MARCKS: variants seen among roughly 807,000 people sequenced by gnomAD.
MARCKS encodes the protein myristoylated alanine rich protein kinase C substrate.
Under a neutral mutation model 6.3 loss-of-function variants are expected in MARCKS, and 4 were observed. The observed-to-expected ratio is 0.63, with a 90% CI of 0.31 to 1.45. MARCKS has a LOEUF of 1.45. MARCKS is among the 40% of genes most tolerant of loss of function. The pLI is 0.07. For missense variants in MARCKS, 636 were observed against 485.7 expected (o/e 1.31, Z -2.91); for synonymous variants, 289 against 236.5 (o/e 1.22, Z -2.04).
At position 113,860,042 on chromosome 6, in the gene MARCKS, AAAG is replaced by A. The variant is rs1326308912; in HGVS notation, c.466_468del (p.Lys156del). ...CCAGCAACGAGACCCCGAAAAAAAAAAAGAAGCGCTTTTCCTTCAAGAAGTCTT... is the reference window on the plus strand; with the variant it reads ...CCAGCAACGAGACCCCGAAAAAAAAAAAGCGCTTTTCCTTCAAGAAGTCTT... On this transcript the variant is annotated inframe_deletion, in exon 2 of 2. Coordinates refer to ENST00000612661, the MANE Select transcript of MARCKS (RefSeq NM_002356.7). The A allele has an allele frequency of 1.9e-6, 3 of 1,573,360 alleles. No individual in the cohort carries two copies. Among genetic ancestry groups the A allele is most frequent in the Non-Finnish European group, 8.6e-7 (1 of 1,162,570 alleles).
chr6:113,857,538 T>C lies in MARCKS; in HGVS notation c.-208T>C, dbSNP rs1774803838. On this transcript the variant is annotated 5_prime_UTR_variant, in exon 1 of 2. Coordinates refer to ENST00000612661, the MANE Select transcript of MARCKS (RefSeq NM_002356.7). Reference sequence around the variant, plus strand: ...CCTCCTGTGCTGCTGCTTTTTGATCTCTTCGACTAAAATTTTTTTATCCGG... The same window carrying C: ...CCTCCTGTGCTGCTGCTTTTTGATCCCTTCGACTAAAATTTTTTTATCCGG... The C allele has an allele frequency of 1.8e-6, 1 of 554,184 alleles. No individual in the cohort carries two copies. Among genetic ancestry groups the C allele is most frequent in the South Asian group, 2.1e-5 (1 of 48,236 alleles). 34.3% of individuals were successfully genotyped at this position (554,184 alleles called of 1,614,324 possible).
At chr6:113,859,171 C>G (rs915836402) in intron 1 of MARCKS, among the ~76,000 whole-genome samples, 16 of 152,192 alleles carry the variant, frequency 1.1e-4, no homozygotes, top group Admixed American at 2.0e-4. Context: ...GCGGGCGCTC[C>G]TGGCTCGAGT....
Position 113,860,237 on chromosome 6 carries a change from C to CGAGGAGGCGGCAGCGGGCGAG in MARCKS, c.662_682dup (p.Glu221_Glu227dup). ...CCGGGGAGCAGGCAGCGGCGCCGGG[C>CGAGGAGGCGGCAGCGGGCGAG]GAGGAGGCGGCAGCGGGCGAGGAGG... is the stretch of plus-strand genomic sequence containing the variant. On this transcript the variant is annotated inframe_insertion, in exon 2 of 2. Transcript: ENST00000612661. The CGAGGAGGCGGCAGCGGGCGAG allele has an allele frequency of 9.3e-7, 1 of 1,076,124 alleles. No individual in the cohort carries two copies. The highest frequency in any genetic ancestry group is 3.5e-5 in the South Asian group (1 of 28,772). 66.7% of individuals were successfully genotyped at this position (1,076,124 alleles called of 1,614,324 possible).
chr6:113,860,601 A>C lies in MARCKS; in HGVS notation c.*22A>C, dbSNP rs1224821554. On this transcript the variant is annotated 3_prime_UTR_variant, in exon 2 of 2. Coordinates refer to ENST00000612661, the MANE Select transcript of MARCKS (RefSeq NM_002356.7). Reference sequence around the variant, plus strand: ...GTAAAAGAGCAAGCTTTTGTGAGATAATCGAAGAACTTTTCTCCCCCGTTT... The same window carrying C: ...GTAAAAGAGCAAGCTTTTGTGAGATCATCGAAGAACTTTTCTCCCCCGTTT... 1 of 1,511,620 alleles carries C rather than the reference A, an allele frequency of 6.6e-7. No individual in the cohort carries two copies. The highest frequency in any genetic ancestry group is 1.5e-5 in the African/African-American group (1 of 68,434). The allele number at this position is 1,511,620 out of a possible 1,614,324, so 93.6% of individuals were successfully genotyped here.
chr6:113,857,473 C>T lies in MARCKS; in HGVS notation c.-273C>T. 2.3e-6 allele frequency: 1 copy of T among 427,280 alleles called. No homozygotes were observed. Among genetic ancestry groups the T allele is most frequent in the Non-Finnish European group, 4.2e-6 (1 of 239,396 alleles). The allele number at this position is 427,280 out of a possible 1,614,324, so 26.5% of individuals were successfully genotyped here. A position where few individuals can be genotyped will look rare whatever the true frequency, so the allele number is the denominator to read the frequency against. Reference sequence around the variant, plus strand: ...CTTTTTTTTTCGAACTACACTTGGGCTCCTTTTTTTGTGCTCGACTTTTCC... The same window carrying T: ...CTTTTTTTTTCGAACTACACTTGGGTTCCTTTTTTTGTGCTCGACTTTTCC... On this transcript the variant is annotated 5_prime_UTR_variant, in exon 1 of 2. Transcript: ENST00000612661.
chr6:113,862,740 G>GT lies in MARCKS; in HGVS notation c.*2165dup. The GT allele has an allele frequency of 6.6e-6, 1 of 152,166 alleles. No homozygotes were observed. Among genetic ancestry groups the GT allele is most frequent in the African/African-American group, 2.4e-5 (1 of 41,544 alleles). The allele number at this position is 152,166 out of a possible 1,614,324, so 9.4% of individuals were successfully genotyped here. A position where few individuals can be genotyped will look rare whatever the true frequency, so the allele number is the denominator to read the frequency against. On this transcript the variant is annotated 3_prime_UTR_variant, in exon 2 of 2. Transcript: ENST00000612661. The stretch of plus-strand genomic sequence containing the variant: ...ACTCATTAGAAAAATAACAAATTAG[G>GT]TTTTGACACGCATTCTTAATTGGAA...
intron 1 of MARCKS, among the ~76,000 whole-genome samples, chr6:113,859,454 G>T (rs1440789643): frequency 6.6e-6 from 1 of 152,086 alleles, no homozygotes; most frequent in African/African-American, 2.4e-5. Context: ...GTACTTGGGG[G>T]CTACAGTTGT....
chr6:113,859,988 C>A lies in MARCKS; in HGVS notation c.408C>A (p.Pro136=). The A allele has an allele frequency of 3.2e-6, 5 of 1,554,672 alleles. No individual in the cohort carries two copies. The highest frequency in any genetic ancestry group is 4.3e-6 in the Non-Finnish European group (5 of 1,157,430). Residue 136 remains proline (P), a synonymous_variant, in exon 2 of 2, where the codon CCC becomes CCA. Transcript: ENST00000612661. ...CGGCCGCCTCCTCGACTTCTTCGCC[C>A]AAGGCCGAGGACGGGGCCACGCCCT... ...AASAASSTSS[P]KAEDGATPSP...
chr6:113,859,918 C>T lies in MARCKS; in HGVS notation c.338C>T (p.Ala113Val). ...VEKEAPAEGE[A>V]AEPGSPTAAE... ...AAGGAGGCCCCCGCGGAAGGCGAGG[C>T]TGCCGAGCCCGGCTCGCCCACGGCC... is the stretch of plus-strand genomic sequence containing the variant. Residue 113 changes from alanine to valine, a missense_variant, in exon 2 of 2, where the codon GCT becomes GTT. Coordinates refer to ENST00000612661, the MANE Select transcript of MARCKS (RefSeq NM_002356.7). 1.4e-6 allele frequency: 2 copies of T among 1,460,934 alleles called. No individual in the cohort carries two copies. Among genetic ancestry groups the T allele is most frequent in the Non-Finnish European group, 9.0e-7 (1 of 1,110,168 alleles). 90.5% of individuals were successfully genotyped at this position (1,460,934 alleles called of 1,614,324 possible). A position where few individuals can be genotyped will look rare whatever the true frequency, so the allele number is the denominator to read the frequency against.
At position 113,857,792 on chromosome 6, in the gene MARCKS, C is replaced by A; in HGVS notation, c.47C>A (p.Ala16Glu). 6.2e-7 allele frequency: 1 copy of A among 1,609,724 alleles called. No homozygotes were observed. Among genetic ancestry groups the A allele is most frequent in the Non-Finnish European group, 8.5e-7 (1 of 1,178,338 alleles). ...ACCGCAGCGAAGGGAGAAGCCGCCGCGGAGAGGCCTGGGGAGGCGGCTGTG... is the reference window on the plus strand; with the variant it reads ...ACCGCAGCGAAGGGAGAAGCCGCCGAGGAGAGGCCTGGGGAGGCGGCTGTG... ...SKTAAKGEAA[A>E]ERPGEAAVAS... Residue 16 changes from alanine (A) to glutamate (E), a missense_variant, in exon 1 of 2, where the codon GCG becomes GAG. Physicochemically the swap from Ala to Glu is moderately radical, Grantham distance 107 (BLOSUM62 -1). Coordinates refer to ENST00000612661, the MANE Select transcript of MARCKS (RefSeq NM_002356.7).
intron 1 of MARCKS, 63 bp downstream of exon 1, chr6:113,857,910 C>T: frequency 7.6e-7 from 1 of 1,319,964 alleles, no homozygotes; most frequent in Non-Finnish European, 1.1e-6. Flanking sequence ...CTCCTGGTGG[C>T]TCCCAAGGCT....
Position 113,859,875 on chromosome 6 carries a change from G to C in MARCKS, c.295G>C (p.Gly99Arg), listed in dbSNP as rs1312263270. Reference protein sequence around the residue: ...EPAAAAAPEAGASPVEKEAPA... With the variant: ...EPAAAAAPEARASPVEKEAPA... ...GGCCGCCGCCGCTGCCCCCGAGGCCGGGGCCAGCCCGGTAGAGAAGGAGGC... is the reference window on the plus strand; with the variant it reads ...GGCCGCCGCCGCTGCCCCCGAGGCCCGGGCCAGCCCGGTAGAGAAGGAGGC... The change falls in exon 2 of 2, where the codon GGG becomes CGG. Residue 99 changes from glycine to arginine, a missense_variant. Transcript: ENST00000612661. 1.5e-5 allele frequency: 20 copies of C among 1,376,886 alleles called. No individual in the cohort carries two copies. The highest frequency in any genetic ancestry group is 3.4e-5 in the Admixed American group (1 of 29,554). The allele number at this position is 1,376,886 out of a possible 1,614,324, so 85.3% of individuals were successfully genotyped here. A position where few individuals can be genotyped will look rare whatever the true frequency, so the allele number is the denominator to read the frequency against.
rs759991825 is a variant in MARCKS at position 113,862,155 on chromosome 6, T to A, written c.*1576T>A. 6.6e-6 allele frequency: 1 copy of A among 152,170 alleles called. No homozygotes were observed. The highest frequency in any genetic ancestry group is 1.5e-5 in the Non-Finnish European group (1 of 67,986). The allele number at this position is 152,170 out of a possible 1,614,324, so 9.4% of individuals were successfully genotyped here. ...ATGAGAAAATTTCATAAAGCCATTCTCTTGTCATTCAGGTCCAGAAACAAA... is the reference window on the plus strand; with the variant it reads ...ATGAGAAAATTTCATAAAGCCATTCACTTGTCATTCAGGTCCAGAAACAAA... On this transcript the variant is annotated 3_prime_UTR_variant, in exon 2 of 2. Coordinates refer to ENST00000612661, the MANE Select transcript of MARCKS (RefSeq NM_002356.7).
Position 113,863,401 on chromosome 6 carries a change from C to T in MARCKS, c.*2822C>T, listed in dbSNP as rs552989838. On this transcript the variant is annotated 3_prime_UTR_variant, in exon 2 of 2. Transcript: ENST00000612661. ...CATTTGCTGTGGTTACAAAATACTT[C>T]CTCTGGGTTATAATAATCATTTGAT... 32 of 152,182 alleles carry T rather than the reference C, an allele frequency of 2.1e-4. No homozygotes were observed. The highest frequency in any genetic ancestry group is 7.5e-4 in the African/African-American group (31 of 41,542). The allele number at this position is 152,182 out of a possible 1,614,324, so 9.4% of individuals were successfully genotyped here. A position where few individuals can be genotyped will look rare whatever the true frequency, so the allele number is the denominator to read the frequency against.
intron 1 of MARCKS, among the ~76,000 whole-genome samples, chr6:113,859,459 A>T (rs577849143): frequency 6.6e-6 from 1 of 151,764 alleles, no homozygotes; most frequent in African/African-American, 2.4e-5. Flanking sequence ...TGGGGGCTAC[A>T]GTTGTGTTTT....
Position 113,859,566 on chromosome 6 carries a change from G to A in MARCKS, c.103-117G>A, listed in dbSNP as rs1164673361. 23 of 897,354 alleles carry A rather than the reference G, an allele frequency of 2.6e-5. No homozygotes were observed. The African/African-American group carries it at 4.1e-4, about 16-fold the overall frequency. 55.6% of individuals were successfully genotyped at this position (897,354 alleles called of 1,614,324 possible). On this transcript the variant is annotated intron_variant, in intron 1 of 1. Transcript: ENST00000612661. ...CCCTCCCCACAACGGCGGGGGTGGG[G>A]TCTCGATGGCCACAGGGGCCTTAGG...
At chr6:113,857,888 TTC>T in intron 1 of MARCKS, 41 bp downstream of exon 1, 1 of 1,489,902 alleles carries the variant, frequency 6.7e-7, no homozygotes, top group Non-Finnish European at 9.1e-7. Context: ...TTTCGTGTCT[TTC>T]TCTCCTTCCC....
chr6:113,860,914 T>G lies in MARCKS; in HGVS notation c.*335T>G, dbSNP rs757735258. ...CATACTTTGCATCTTTATTCAAAAG[T>G]GTAAACTTTCTTTGTCAATCTATGG... is the stretch of plus-strand genomic sequence containing the variant. On this transcript the variant is annotated 3_prime_UTR_variant, in exon 2 of 2. Transcript: ENST00000612661. 1 of 157,662 alleles carries G rather than the reference T, an allele frequency of 6.3e-6. No individual in the cohort carries two copies. The highest frequency in any genetic ancestry group is 1.4e-5 in the Non-Finnish European group (1 of 71,340). The allele number at this position is 157,662 out of a possible 1,614,324, so 9.8% of individuals were successfully genotyped here.
chr6:113,862,415 C>CATTTTTTT lies in MARCKS; in HGVS notation c.*1836_*1837insATTTTTTT, dbSNP rs1562118784. On this transcript the variant is annotated 3_prime_UTR_variant, in exon 2 of 2. Coordinates refer to ENST00000612661, the MANE Select transcript of MARCKS (RefSeq NM_002356.7). ...GGGCCTTTAGCATAGTTTTAAGCAT[C>CATTTTTTT]CTTTTTTTTTTTTTTTTTTGAAAGT... 1.1e-5 allele frequency: 1 copy of CATTTTTTT among 87,460 alleles called. No individual in the cohort carries two copies. The highest frequency in any genetic ancestry group is 4.0e-4 in the East Asian group (1 of 2,492). The allele number at this position is 87,460 out of a possible 1,614,324, so 5.4% of individuals were successfully genotyped here. A position where few individuals can be genotyped will look rare whatever the true frequency, so the allele number is the denominator to read the frequency against.
Sources: gnomAD v4.1 joint callset for allele counts (sites outside exome capture counted in the v4.1 genomes callset) on GRCh38, gnomAD v4.1.1 for gene constraint, MANE v1.5 for transcripts, NCBI Gene and HGNC (gene_info 2026-07-23, HGNC 2026-07-21) for gene names.